GRID2: variants seen among roughly 807,000 people sequenced by gnomAD.
The protein encoded by GRID2 is glutamate receptor ionotropic, delta-2.
A neutral mutation model predicts 114.8 loss-of-function variants in GRID2; 33 were observed. The ratio of observed to expected loss-of-function variants is 0.29; its 90% CI spans 0.22 to 0.38. GRID2 has a LOEUF of 0.38. GRID2 is among the 10% of genes least tolerant of loss of function. The pLI is 1.00. For missense variants in GRID2, 1,184 were observed against 1,257.7 expected (o/e 0.94, Z 0.89); for synonymous variants, 505 against 449.9 (o/e 1.12, Z -1.55).
chr4:93,210,519 G>T (rs1743333868), intron 5 of GRID2, among the ~76,000 whole-genome samples: 1 of 152,014 alleles, frequency 6.6e-6, no homozygotes, highest in South Asian at 2.1e-4. Flanking sequence ...AAGTCAGGTA[G>T]CATGATGTCT....
chr4:92,344,310 T>C (rs1727658116), intron 1 of GRID2, among the ~76,000 whole-genome samples: 1 of 152,154 alleles, frequency 6.6e-6, no homozygotes, highest in Non-Finnish European at 1.5e-5. Flanking sequence ...AATAAAAGTA[T>C]TTAGAGTATA....
In GRID2 at chr4:93,774,333, C is replaced by CA. The variant is rs1420521265; in HGVS notation, c.*1842dup. 6.6e-6 allele frequency: 1 copy of CA among 151,852 alleles called. No homozygotes were observed. Among genetic ancestry groups the CA allele is most frequent in the Non-Finnish European group, 1.5e-5 (1 of 67,900 alleles). The allele number at this position is 151,852 out of a possible 1,614,324, so 9.4% of individuals were successfully genotyped here. A position where few individuals can be genotyped will look rare whatever the true frequency, so the allele number is the denominator to read the frequency against. ...CTCATTTACAACTCTGATTTTAAAA[C>CA]AAAAAAATCTTTACAACAAGCTATA... On this transcript the variant is annotated 3_prime_UTR_variant, in exon 16 of 16. Coordinates refer to ENST00000282020, the MANE Select transcript of GRID2 (RefSeq NM_001510.4).
chr4:92,713,530 GGTCTTGGATAGT>G (rs1735383128), intron 2 of GRID2, among the ~76,000 whole-genome samples: 5 of 95,332 alleles, frequency 5.2e-5, no homozygotes, highest in Admixed American at 5.2e-4. Context: ...ACCAAAATTA[GGTCTTGGATAGT>G]GTTTTCATGC....
At chr4:92,981,106 C>G (rs1754182168) in intron 2 of GRID2, among the ~76,000 whole-genome samples, 1 of 151,976 alleles carries the variant, frequency 6.6e-6, no homozygotes, top group Non-Finnish European at 1.5e-5. Flanking sequence ...TGCCTCAATA[C>G]CAGTCAAAAC....
At chr4:93,742,734 T>C (rs1016975070) in intron 14 of GRID2, among the ~76,000 whole-genome samples, 1 of 152,202 alleles carries the variant, frequency 6.6e-6, no homozygotes, top group Admixed American at 6.5e-5. Flanking sequence ...ATAAGTGTTA[T>C]GTGGGTTCTG....
At chr4:92,482,311 CTG>C (rs1163033568) in intron 1 of GRID2, among the ~76,000 whole-genome samples, 2 of 151,754 alleles carry the variant, frequency 1.3e-5, no homozygotes, top group African/African-American at 4.8e-5. Context: ...GCAATAGACA[CTG>C]TGGACTACTT....
At chr4:93,714,390 G>GC (rs1192867786) in intron 14 of GRID2, among the ~76,000 whole-genome samples, 1 of 152,096 alleles carries the variant, frequency 6.6e-6, no homozygotes, top group Non-Finnish European at 1.5e-5. Context: ...GAATAATGCT[G>GC]CAACAAACAT....
chr4:92,447,628 C>G (rs1031171299), intron 1 of GRID2, among the ~76,000 whole-genome samples: 5 of 152,192 alleles, frequency 3.3e-5, no homozygotes, highest in Non-Finnish European at 1.5e-5. Flanking sequence ...TTATAAACAA[C>G]AGAAATTTAT....
intron 1 of GRID2, among the ~76,000 whole-genome samples, chr4:92,580,896 T>TG (rs70942911): frequency 1.7e-5 from 2 of 117,572 alleles, no homozygotes; most frequent in Admixed American, 7.8e-5. Context: ...ATTTGTTTTT[T>TG]TTTTTTTTTA....
intron 13 of GRID2, among the ~76,000 whole-genome samples, chr4:93,527,086 T>C (rs1730984687): frequency 6.6e-6 from 1 of 152,114 alleles, no homozygotes; most frequent in Admixed American, 6.6e-5. Context: ...GGGCCCTCCC[T>C]CTCCTCTCAT....
intron 2 of GRID2, among the ~76,000 whole-genome samples, chr4:92,886,832 A>C (rs536096743): frequency 6.6e-6 from 1 of 152,136 alleles, no homozygotes; most frequent in South Asian, 2.1e-4. Flanking sequence ...TCACCGTGTT[A>C]GCCAGGATGG....
chr4:92,493,127 C>CAAA (rs1043809824), intron 1 of GRID2, among the ~76,000 whole-genome samples: 5 of 48,456 alleles, frequency 1.0e-4, no homozygotes, highest in Non-Finnish European at 1.9e-4. Flanking sequence ...GACTCCATCT[C>CAAA]AAAAAAAAAA....
At chr4:93,205,734 C>G (rs973022105) in intron 4 of GRID2, among the ~76,000 whole-genome samples, 3 of 152,084 alleles carry the variant, frequency 2.0e-5, no homozygotes, top group Non-Finnish European at 4.4e-5. Flanking sequence ...AATCGCCACA[C>G]TGACTTCCAC....
At chr4:92,906,563 G>A (rs1747972399) in intron 2 of GRID2, among the ~76,000 whole-genome samples, 3 of 152,088 alleles carry the variant, frequency 2.0e-5, no homozygotes, top group Admixed American at 2.0e-4. Flanking sequence ...TAAACTACAA[G>A]GGAACCCAGC....
intron 2 of GRID2, among the ~76,000 whole-genome samples, chr4:92,654,126 G>C (rs1259700541): frequency 6.6e-6 from 1 of 151,962 alleles, no homozygotes; most frequent in African/African-American, 2.4e-5. Context: ...ACCACAGACT[G>C]TGTGGCTTAA....
intron 13 of GRID2, among the ~76,000 whole-genome samples, chr4:93,585,157 A>T (rs574624369): frequency 6.6e-6 from 1 of 152,218 alleles, no homozygotes; most frequent in South Asian, 2.1e-4. Context: ...TTCACCTCTT[A>T]GTAGCAATTT....
intron 9 of GRID2, among the ~76,000 whole-genome samples, chr4:93,420,039 G>A (rs1275070843): frequency 2.6e-5 from 4 of 151,876 alleles, no homozygotes; most frequent in South Asian, 4.2e-4. Context: ...AAACATAGCC[G>A]ATTTTTTTTG....
At chr4:92,842,392 A>T (rs1029443740) in intron 2 of GRID2, among the ~76,000 whole-genome samples, 2 of 152,208 alleles carry the variant, frequency 1.3e-5, no homozygotes, top group African/African-American at 4.8e-5. Context: ...AGTTATTTAC[A>T]TCATTAATAA....
chr4:93,789,014 G>A (rs1453538121), intron 1 of GRID2, among the ~76,000 whole-genome samples: 1 of 152,068 alleles, frequency 6.6e-6, no homozygotes, highest in Non-Finnish European at 1.5e-5. Flanking sequence ...GTGTCTTTAA[G>A]GAACAGAGAA....
Sources: gnomAD v4.1 joint callset for allele counts (sites outside exome capture counted in the v4.1 genomes callset) on GRCh38, gnomAD v4.1.1 for gene constraint, MANE v1.5 for transcripts, NCBI Gene and HGNC (gene_info 2026-07-23, HGNC 2026-07-21) for gene names.